LRRFIP2: variants seen among roughly 807,000 people sequenced by gnomAD.
LRRFIP2 encodes the protein LRR binding FLII interacting protein 2, also known as leucine-rich repeat flightless-interacting protein 2.
A neutral mutation model predicts 125.9 loss-of-function variants in LRRFIP2; 109 were observed. The ratio of observed to expected loss-of-function variants is 0.87; its 90% CI spans 0.74 to 1.01. LRRFIP2 has a LOEUF of 1.01. LRRFIP2 is among the 50% of genes least tolerant of loss of function. The pLI, the probability that LRRFIP2 is intolerant of heterozygous loss-of-function variation, is 0.00. For missense variants in LRRFIP2, 850 were observed against 862.3 expected (o/e 0.99, Z 0.18); for synonymous variants, 291 against 293.1 (o/e 0.99, Z 0.07).
chr3:37,154,565 G>C (rs1247130017), intron 1 of LRRFIP2: 1 of 152,186 alleles, frequency 6.6e-6, no homozygotes, highest in Non-Finnish European at 1.5e-5. Context: ...CCCACATAGT[G>C]TCAAGTTGAT....
chr3:37,120,182 C>T (rs185805879), intron 6 of LRRFIP2, among the ~76,000 whole-genome samples: 46 of 149,042 alleles, frequency 3.1e-4, no homozygotes, highest in Admixed American at 1.8e-3. Context: ...TCTTGGCTCA[C>T]GGCAACCTCC....
chr3:37,136,580 T>C (rs1380549867), intron 2 of LRRFIP2, among the ~76,000 whole-genome samples: 1 of 152,118 alleles, frequency 6.6e-6, no homozygotes, highest in African/African-American at 2.4e-5. Context: ...TTATAACCTA[T>C]TAATAACAAG....
At chr3:37,070,207 G>A (rs112985421) in intron 21 of LRRFIP2, among the ~76,000 whole-genome samples, 1,801 of 150,224 alleles carry the variant, frequency 0.012, 34 homozygotes, top group African/African-American at 0.042. Context: ...TTGGCCTCCC[G>A]GATTCAAGTG....
At chr3:37,139,526 T>A (rs2149842603) in intron 2 of LRRFIP2, among the ~76,000 whole-genome samples, 1 of 152,264 alleles carries the variant, frequency 6.6e-6, no homozygotes, top group East Asian at 1.9e-4. Context: ...AGGCATTCGC[T>A]TCACACCCTC....
At chr3:37,112,882 G>C in intron 8 of LRRFIP2, 33 bp downstream of exon 8, 1 of 1,298,248 alleles carries the variant, frequency 7.7e-7, no homozygotes, top group Non-Finnish European at 1.1e-6. Flanking sequence ...ACAGTACTTC[G>C]TGAATTGTGA....
At chr3:37,108,358 T>G (rs895196619) in intron 12 of LRRFIP2, among the ~76,000 whole-genome samples, 7 of 152,158 alleles carry the variant, frequency 4.6e-5, no homozygotes, top group African/African-American at 1.7e-4. Context: ...CAGAACTTCT[T>G]CAGGAGGAAC....
At chr3:37,133,534 A>G (rs1003111061) in intron 2 of LRRFIP2, among the ~76,000 whole-genome samples, 6 of 152,264 alleles carry the variant, frequency 3.9e-5, no homozygotes, top group Non-Finnish European at 8.8e-5. Flanking sequence ...TAAATGAAAT[A>G]AGCCAGACAG....
chr3:37,109,413 A>G, intron 11 of LRRFIP2, 114 bp downstream of exon 11: 1 of 1,124,034 alleles, frequency 8.9e-7, no homozygotes, highest in Admixed American at 1.7e-5. Flanking sequence ...AGTATACATG[A>G]CACTAAAATC....
intron 17 of LRRFIP2, 51 bp downstream of exon 17, chr3:37,094,741 T>TAC (rs2093637361): frequency 8.7e-7 from 1 of 1,150,690 alleles, no homozygotes; most frequent in Non-Finnish European, 1.3e-6. Context: ...TCCAGTATAT[T>TAC]ACCAAGTCAA....
intron 1 of LRRFIP2, among the ~76,000 whole-genome samples, chr3:37,169,376 T>C (rs1454912491): frequency 1.2e-4 from 19 of 152,226 alleles, no homozygotes; most frequent in African/African-American, 4.1e-4. Flanking sequence ...TCTCATTTCC[T>C]TGACTGTTCA....
intron 24 of LRRFIP2, among the ~76,000 whole-genome samples, chr3:37,062,653 C>T (rs557472789): frequency 1.3e-4 from 20 of 152,190 alleles, no homozygotes; most frequent in Admixed American, 1.2e-3. Flanking sequence ...CAGCCATGCT[C>T]GAAGTCACAG....
intron 1 of LRRFIP2, among the ~76,000 whole-genome samples, chr3:37,156,258 T>C (rs1044482055): frequency 1.8e-4 from 28 of 152,122 alleles, no homozygotes; most frequent in African/African-American, 4.8e-4. Flanking sequence ...GGCAGGCAAG[T>C]TGCTTGAGCC....
intron 1 of LRRFIP2, among the ~76,000 whole-genome samples, chr3:37,171,275 T>C (rs981459823): frequency 6.6e-6 from 1 of 152,198 alleles, no homozygotes; most frequent in African/African-American, 2.4e-5. Context: ...CCACTGATCC[T>C]AAACCGCAGG....
chr3:37,077,755 G>A (rs2092240596), intron 19 of LRRFIP2, among the ~76,000 whole-genome samples: 1 of 152,116 alleles, frequency 6.6e-6, no homozygotes, highest in Non-Finnish European at 1.5e-5. Context: ...AACAATTCAA[G>A]TGGCCATTGA....
chr3:37,126,868 AAAAGAAAG>A (rs556976086), intron 4 of LRRFIP2, among the ~76,000 whole-genome samples: 6 of 147,220 alleles, frequency 4.1e-5, no homozygotes, highest in African/African-American at 1.5e-4. Context: ...TCAAAAAAAA[AAAAGAAAG>A]AAAGAAAGAA....
chr3:37,081,575 A>C (rs939292901), intron 19 of LRRFIP2, among the ~76,000 whole-genome samples: 70 of 149,884 alleles, frequency 4.7e-4, no homozygotes, highest in African/African-American at 1.7e-3. Context: ...TAAAAAAAAC[A>C]ATACATTTTA....
At chr3:37,120,277 T>C (rs2094969538) in intron 6 of LRRFIP2, among the ~76,000 whole-genome samples, 1 of 152,086 alleles carries the variant, frequency 6.6e-6, no homozygotes, top group Non-Finnish European at 1.5e-5. Context: ...CGGCTAATTT[T>C]GTATTTTCAG....
At position 37,112,946 on chromosome 3, in the gene LRRFIP2, T is replaced by G. The variant is rs1378275729; in HGVS notation, c.407A>C (p.Lys136Thr). ...HSYSHSHGMK[K>T]RSSDSHKDLL... ...GTCTTTATGAGAATCAGAAGACCTC[T>G]TCTTCATTCCATGAGAGTGACTGTA... The change falls in exon 8 of 28, where the codon AAG (lysine) becomes ACG (threonine). Residue 136 changes from lysine to threonine, a missense_variant. By Grantham distance (78) the Lys-to-Thr change is moderately conservative (BLOSUM62 -1). Transcript: ENST00000336686. 3.2e-6 allele frequency: 5 copies of G among 1,585,078 alleles called. No homozygotes were observed. In the South Asian group the frequency reaches 5.6e-5, roughly 18 times the overall value.
rs769655672 is a variant in LRRFIP2 at position 37,096,676 on chromosome 3, G to A, written c.874-16C>T. 7.9e-6 allele frequency: 12 copies of A among 1,511,502 alleles called. No individual in the cohort carries two copies. Among genetic ancestry groups the A allele is most frequent in the Non-Finnish European group, 1.1e-5 (12 of 1,104,260 alleles). 93.6% of individuals were successfully genotyped at this position (1,511,502 alleles called of 1,614,324 possible). A position where few individuals can be genotyped will look rare whatever the true frequency, so the allele number is the denominator to read the frequency against. ...TTTCATCCAACTAGAAAAGAACAAA[G>A]ATAAAAATCAGTAAAGATGCTTAGC... On this transcript the variant is annotated splice_polypyrimidine_tract_variant and intron_variant, in intron 15 of 27. Coordinates refer to ENST00000336686, the MANE Select transcript of LRRFIP2 (RefSeq NM_006309.4).
Sources: gnomAD v4.1 joint callset for allele counts (sites outside exome capture counted in the v4.1 genomes callset) on GRCh38, gnomAD v4.1.1 for gene constraint, MANE v1.5 for transcripts, NCBI Gene and HGNC (gene_info 2026-07-23, HGNC 2026-07-21) for gene names.